Variants in NLRP2 observed in about 807,000 individuals in gnomAD.
The protein encoded by NLRP2 is NACHT, LRR and PYD domains-containing protein 2.
NLRP2 carries 107 observed loss-of-function variants against 97.2 expected under a neutral mutation model. The ratio of observed to expected loss-of-function variants is 1.10; its 90% CI spans 0.94 to 1.29. The LOEUF (loss-of-function observed/expected upper bound fraction) is 1.29, where lower values mean the gene tolerates loss of function less well. Ranked by LOEUF, NLRP2 falls within the 50% of genes most tolerant of loss-of-function variation. NLRP2 has a pLI of 0.00. For missense variants in NLRP2, 1,495 were observed against 1,330.3 expected (o/e 1.12, Z -1.93); for synonymous variants, 663 against 551.5 (o/e 1.20, Z -2.83).
chr19:54,970,408 T>TG (rs1260808250), intron 2 of NLRP2, 113 bp downstream of exon 2: 1 of 1,322,822 alleles, frequency 7.6e-7, no homozygotes, highest in African/African-American at 1.4e-5. Flanking sequence ...CCCAGCCCTT[T>TG]GGGAGGCTGA....
At chr19:54,996,037 C>CAAAAAAAAAAAAAAAAAA (rs544759995) in intron 11 of NLRP2, among the ~76,000 whole-genome samples, 10 of 73,348 alleles carry the variant, frequency 1.4e-4, no homozygotes, top group African/African-American at 5.0e-4. Flanking sequence ...GATCCTGTCT[C>CAAAAAAAAAAAAAAAAAA]AAAAAAAAAA....
intron 6 of NLRP2, among the ~76,000 whole-genome samples, chr19:54,984,329 G>GTGTTTTTTTTTTTTTTTTTTTTTT: frequency 5.0e-5 from 4 of 79,670 alleles, no homozygotes; most frequent in African/African-American, 1.4e-4. Context: ...TTTTTTTTGT[G>GTGTTTTTTTTTTTTTTTTTTTTTT]TTTTTTTTTT....
At chr19:54,998,631 C>CTTT (rs1179005483) in intron 12 of NLRP2, among the ~76,000 whole-genome samples, 18 of 61,120 alleles carry the variant, frequency 2.9e-4, no homozygotes, top group East Asian at 9.7e-4. Flanking sequence ...TTTTTTTTTC[C>CTTT]TTTTTTTTTT....
intron 1 of NLRP2, among the ~76,000 whole-genome samples, chr19:54,967,985 C>G (rs1487406021): frequency 6.8e-6 from 1 of 146,684 alleles, no homozygotes; most frequent in Non-Finnish European, 1.5e-5. Flanking sequence ...GTGGCGCTAT[C>G]TCAGCTCACT....
intron 11 of NLRP2, among the ~76,000 whole-genome samples, chr19:54,996,508 A>G (rs1280801180): frequency 6.6e-6 from 1 of 152,104 alleles, no homozygotes; most frequent in Non-Finnish European, 1.5e-5. Context: ...CTCAAAGAAT[A>G]ACTTCAAAGA....
Position 54,983,513 on chromosome 19 carries a change from C to T in NLRP2, c.1815C>T (p.Leu605=), listed in dbSNP as rs11672113. Residue 605 remains leucine, a synonymous_variant, in exon 6 of 13, where the codon CTC becomes CTT. Transcript: ENST00000448584. ...CAACGGTGACAGACCTGCAGGAGCTCCTCGGCTGTCTGTACGAGTCTCAGG... is the reference window on the plus strand; with the variant it reads ...CAACGGTGACAGACCTGCAGGAGCTTCTCGGCTGTCTGTACGAGTCTCAGG... ...GHSTVTDLQE[L]LGCLYESQEE... is the part of the protein sequence containing the mutation. 2.5e-6 allele frequency: 4 copies of T among 1,613,836 alleles called. No individual in the cohort carries two copies. The highest frequency in any genetic ancestry group is 2.2e-5 in the South Asian group (2 of 91,088).
intron 4 of NLRP2, among the ~76,000 whole-genome samples, chr19:54,980,362 T>C (rs2071494136): frequency 1.3e-5 from 2 of 151,748 alleles, no homozygotes; most frequent in Admixed American, 1.3e-4. Context: ...GCCCGGCTAA[T>C]TTTTTGTATT....
chr19:54,981,750 A>G, intron 5 of NLRP2, 68 bp downstream of exon 5: 1 of 900,238 alleles, frequency 1.1e-6, no homozygotes, highest in Non-Finnish European at 1.9e-6. Context: ...AAGTCCTCTT[A>G]ACTTTCCTAT....
At position 54,986,344 on chromosome 19, in the gene NLRP2, A is replaced by G. The variant is rs190864424; in HGVS notation, c.2366+29A>G. The stretch of plus-strand genomic sequence containing the variant: ...TATCTCTTAATCATTAAAATCCTTC[A>G]TCATACAAACATAAGCTACCACAAG... On this transcript the variant is annotated intron_variant, in intron 8 of 12. Coordinates refer to ENST00000448584, the MANE Select transcript of NLRP2 (RefSeq NM_017852.5). 5.8e-5 allele frequency: 93 copies of G among 1,601,608 alleles called. 1 individual carries two copies. In the African/African-American group the frequency reaches 9.2e-4, roughly 16 times the overall value.
intron 8 of NLRP2, among the ~76,000 whole-genome samples, chr19:54,987,865 A>C (rs140961817): frequency 6.6e-6 from 1 of 151,688 alleles, no homozygotes; most frequent in Non-Finnish European, 1.5e-5. Context: ...ACATGGTGAA[A>C]CCCCACGTCT....
chr19:54,985,042 T>TTTCTG lies in NLRP2; in HGVS notation c.2031-5_2031-4insTTCTG. On this transcript the variant is annotated splice_region_variant and splice_polypyrimidine_tract_variant and intron_variant, in intron 6 of 12. Coordinates refer to ENST00000448584, the MANE Select transcript of NLRP2 (RefSeq NM_017852.5). ...TGGTGTAACCCTTTCTTCTCTTCCCTATAGATCCCAGGATGATCAGCACAT... is the reference window on the plus strand; with the variant it reads ...TGGTGTAACCCTTTCTTCTCTTCCCTTTCTGATAGATCCCAGGATGATCAGCACAT... 6.2e-7 allele frequency: 1 copy of TTTCTG among 1,614,004 alleles called. No individual in the cohort carries two copies. The highest frequency in any genetic ancestry group is 1.3e-5 in the African/African-American group (1 of 75,036).
rs532614509 is a variant in NLRP2 at position 54,977,297 on chromosome 19, T to G, written c.326-455T>G. ...TTAGCCAGGTATGGTGGCACATTCC[T>G]GTAATCCCAGCTACTCCGGAGGCCG... On this transcript the variant is annotated intron_variant, in intron 3 of 12. Coordinates refer to ENST00000448584, the MANE Select transcript of NLRP2 (RefSeq NM_017852.5). Among the ~76,000 whole-genome samples, 3 of 152,124 alleles carry G rather than the reference T, an allele frequency of 2.0e-5. No homozygotes were observed. In the East Asian group the frequency reaches 5.8e-4, roughly 30 times the overall value.
intron 12 of NLRP2, among the ~76,000 whole-genome samples, chr19:54,998,652 T>TTTTTA (rs2072995761): frequency 9.1e-6 from 1 of 110,270 alleles, no homozygotes; most frequent in Non-Finnish European, 1.9e-5. Context: ...TTTTTTTTTT[T>TTTTTA]ATTGATCATT....
At chr19:54,971,095 GT>G (rs947897976) in intron 2 of NLRP2, among the ~76,000 whole-genome samples, 2 of 148,544 alleles carry the variant, frequency 1.3e-5, no homozygotes, top group African/African-American at 2.5e-5. Flanking sequence ...TCTTGTGATA[GT>G]TTACTGAGAA....
chr19:54,977,968 C>A, intron 4 of NLRP2, 145 bp downstream of exon 4: 1 of 781,056 alleles, frequency 1.3e-6, no homozygotes, highest in Non-Finnish European at 2.2e-6. Context: ...TGGAGAATGC[C>A]AACCTCCCTT....
Position 54,986,325 on chromosome 19 carries a change from T to C in NLRP2, c.2366+10T>C. 1 of 1,609,876 alleles carries C rather than the reference T, an allele frequency of 6.2e-7. No homozygotes were observed. The highest frequency in any genetic ancestry group is 8.5e-7 in the Non-Finnish European group (1 of 1,176,186). The stretch of plus-strand genomic sequence containing the variant: ...ACCTGCGATATCTCGGGTATATCTC[T>C]TAATCATTAAAATCCTTCATCATAC... On this transcript the variant is annotated intron_variant, in intron 8 of 12. Coordinates refer to ENST00000448584, the MANE Select transcript of NLRP2 (RefSeq NM_017852.5).
intron 4 of NLRP2, among the ~76,000 whole-genome samples, chr19:54,981,358 G>C (rs1327351168): frequency 6.6e-6 from 1 of 151,872 alleles, no homozygotes; most frequent in Non-Finnish European, 1.5e-5. Context: ...TAGTAGAGAT[G>C]GGGTTTCTGT....
intron 2 of NLRP2, among the ~76,000 whole-genome samples, chr19:54,973,150 C>T (rs2070973700): frequency 6.6e-6 from 1 of 151,146 alleles, no homozygotes; most frequent in Non-Finnish European, 1.5e-5. Flanking sequence ...AAGATCGTGC[C>T]ACTGCGCTCC....
intron 8 of NLRP2, among the ~76,000 whole-genome samples, chr19:54,988,582 G>T (rs961001444): frequency 1.3e-5 from 2 of 152,098 alleles, no homozygotes; most frequent in South Asian, 2.1e-4. Context: ...TAGTAGAGCC[G>T]GGGTTTCACC....
Sources: allele counts gnomAD v4.1 joint callset (sites outside exome capture counted in the v4.1 genomes callset), GRCh38; gene constraint gnomAD v4.1.1; transcripts MANE v1.5; gene names NCBI Gene and HGNC (gene_info 2026-07-23, HGNC 2026-07-21).